Variants in SPAG16 observed in about 807,000 individuals in gnomAD.
SPAG16 encodes the protein sperm-associated antigen 16 protein.
SPAG16 carries 86 observed loss-of-function variants against 80.4 expected under a neutral mutation model. The ratio of observed to expected loss-of-function variants is 1.07; its 90% CI spans 0.90 to 1.28. SPAG16 has a LOEUF of 1.28. Ranked by LOEUF, SPAG16 falls within the 50% of genes most tolerant of loss-of-function variation. The pLI is 0.00. For synonymous variants in SPAG16, 294 were observed against 265.9 expected (o/e 1.11, Z -1.03); for missense variants, 870 against 765.3 (o/e 1.14, Z -1.61).
intron 12 of SPAG16, among the ~76,000 whole-genome samples, chr2:214,009,981 G>GTGGAC: frequency 6.8e-6 from 1 of 146,342 alleles, no homozygotes; most frequent in East Asian, 1.9e-4. Context: ...AACATGAAGT[G>GTGGAC]CATAAAGGAA....
rs201927194 is a variant in SPAG16 at position 214,005,719 on chromosome 2, CAAAT to C, written c.1401-8227_1401-8224del. 6.3e-3 allele frequency among the ~76,000 whole-genome samples: 961 copies of C among 152,248 alleles called. 7 individuals are homozygous for C. Among genetic ancestry groups the C allele is most frequent in the African/African-American group, 0.022 (921 of 41,556 alleles). The stretch of plus-strand genomic sequence containing the variant: ...TTATATTATTTTTGACAATATAAAA[CAAAT>C]AAATGTTTTCATTATAAAAGTATTC... On this transcript the variant is annotated intron_variant, in intron 12 of 15. Coordinates refer to ENST00000331683, the MANE Select transcript of SPAG16 (RefSeq NM_024532.5).
intron 11 of SPAG16, among the ~76,000 whole-genome samples, chr2:213,905,671 G>A (rs2077401782): frequency 6.6e-6 from 1 of 152,160 alleles, no homozygotes; most frequent in African/African-American, 2.4e-5. Flanking sequence ...GGCAGGGAGA[G>A]AGACAATAAA....
At chr2:213,333,277 G>T (rs1375476085) in intron 5 of SPAG16, among the ~76,000 whole-genome samples, 1 of 151,892 alleles carries the variant, frequency 6.6e-6, no homozygotes, top group Non-Finnish European at 1.5e-5. Context: ...GATAAAATTA[G>T]ATAGGAAGTA....
rs138501864 is a variant in SPAG16, at chr2:214,057,830, T to C, written c.1527+43753T>C. Among the ~76,000 whole-genome samples the C allele has an allele frequency of 4.5e-4, 68 of 152,334 alleles. No homozygotes were observed. In the East Asian group the frequency reaches 0.013, roughly 29 times the overall value. ...CTTGCTGCAACTTCTACATCAGCAC[T>C]GGCGCTTCACCTTGCACTTTATGTT... On this transcript the variant is annotated intron_variant, in intron 13 of 15. Transcript: ENST00000331683.
chr2:213,380,923 A>G (rs951226301), intron 9 of SPAG16, among the ~76,000 whole-genome samples: 12 of 152,180 alleles, frequency 7.9e-5, no homozygotes, highest in South Asian at 6.2e-4. Flanking sequence ...ACCTACCCCA[A>G]TGAAGAATGT....
chr2:214,392,824 T>G (rs1266106629), intron 15 of SPAG16, among the ~76,000 whole-genome samples: 1 of 152,154 alleles, frequency 6.6e-6, no homozygotes, highest in Non-Finnish European at 1.5e-5. Context: ...TAGCTACTAA[T>G]TTGTTAACAC....
At chr2:214,179,059 C>T (rs2057225528) in intron 15 of SPAG16, among the ~76,000 whole-genome samples, 1 of 151,280 alleles carries the variant, frequency 6.6e-6, no homozygotes, top group African/African-American at 2.4e-5. Flanking sequence ...TATTGCCAAA[C>T]TCTAATCACT....
intron 10 of SPAG16, among the ~76,000 whole-genome samples, chr2:213,819,527 A>T (rs573096829): frequency 9.8e-4 from 149 of 152,292 alleles, no homozygotes; most frequent in African/African-American, 3.2e-3. Flanking sequence ...AGAGTAAAGG[A>T]ATAAATGCAC....
chr2:213,702,923 G>T (rs187003290), intron 10 of SPAG16, among the ~76,000 whole-genome samples: 2 of 152,298 alleles, frequency 1.3e-5, no homozygotes, highest in South Asian at 4.1e-4. Flanking sequence ...GGGTTTTGCC[G>T]TGACTGTGTT....
At chr2:214,397,052 TTGA>T (rs1314392891) in intron 15 of SPAG16, among the ~76,000 whole-genome samples, 1 of 151,988 alleles carries the variant, frequency 6.6e-6, no homozygotes, top group African/African-American at 2.4e-5. Flanking sequence ...GCTGTAATTG[TTGA>T]TTTTGGCAAG....
At chr2:213,820,723 G>A (rs978555714) in intron 10 of SPAG16, among the ~76,000 whole-genome samples, 1 of 151,856 alleles carries the variant, frequency 6.6e-6, no homozygotes, top group Non-Finnish European at 1.5e-5. Flanking sequence ...ATAGATTTAT[G>A]ATTTAATATC....
At chr2:214,358,135 A>C (rs1029078324) in intron 15 of SPAG16, among the ~76,000 whole-genome samples, 1 of 151,896 alleles carries the variant, frequency 6.6e-6, no homozygotes, top group African/African-American at 2.4e-5. Flanking sequence ...AGTGGGTACT[A>C]TTCACATTGT....
intron 11 of SPAG16, among the ~76,000 whole-genome samples, chr2:213,926,056 C>T (rs1384916503): frequency 6.6e-6 from 1 of 152,062 alleles, no homozygotes; most frequent in Non-Finnish European, 1.5e-5. Flanking sequence ...AGTTTCTGTA[C>T]ATTCTCAACC....
At chr2:214,016,619 T>G (rs1047275094) in intron 13 of SPAG16, among the ~76,000 whole-genome samples, 1 of 152,170 alleles carries the variant, frequency 6.6e-6, no homozygotes, top group Admixed American at 6.5e-5. Context: ...TTTGTTCAGA[T>G]AGGAGACAGC....
intron 10 of SPAG16, among the ~76,000 whole-genome samples, chr2:213,797,124 C>A (rs2071092425): frequency 6.6e-6 from 1 of 151,150 alleles, no homozygotes; most frequent in Non-Finnish European, 1.5e-5. Context: ...TACAGCTGTA[C>A]AATGTATGTT....
intron 12 of SPAG16, among the ~76,000 whole-genome samples, chr2:214,007,558 CT>C (rs1323507640): frequency 7.2e-5 from 11 of 152,110 alleles, no homozygotes; most frequent in African/African-American, 2.7e-4. Context: ...TAGAAAACAT[CT>C]GCTGTCAATG....
intron 13 of SPAG16, among the ~76,000 whole-genome samples, chr2:214,088,097 G>C (rs1171039955): frequency 6.6e-6 from 1 of 151,996 alleles, no homozygotes; most frequent in African/African-American, 2.4e-5. Context: ...TAGCAGATCT[G>C]ATACAACAGC....
chr2:213,562,104 A>G (rs996892567), intron 10 of SPAG16, among the ~76,000 whole-genome samples: 8 of 152,374 alleles, frequency 5.3e-5, no homozygotes, highest in African/African-American at 1.9e-4. Context: ...GGTAATACCA[A>G]TGGCCAGACG....
chr2:214,288,970 G>A (rs939764532), intron 15 of SPAG16, among the ~76,000 whole-genome samples: 6 of 151,842 alleles, frequency 4.0e-5, no homozygotes, highest in South Asian at 4.1e-4. Flanking sequence ...GGGTTTCACC[G>A]TGTTAGCCAG....
Sources: allele counts gnomAD v4.1 joint callset (sites outside exome capture counted in the v4.1 genomes callset), GRCh38; gene constraint gnomAD v4.1.1; transcripts MANE v1.5; gene names NCBI Gene and HGNC (gene_info 2026-07-23, HGNC 2026-07-21).